ADCY3: variants seen among roughly 807,000 people sequenced by gnomAD.
The protein encoded by ADCY3 is adenylate cyclase type 3.
A neutral mutation model predicts 119.4 loss-of-function variants in ADCY3; 70 were observed. That is an observed-to-expected ratio of 0.59 (90% CI 0.48 to 0.72). ADCY3 has a LOEUF of 0.72. Ranked by LOEUF, ADCY3 falls within the 30% of genes least tolerant of loss-of-function variation. The pLI is 0.00. For synonymous variants in ADCY3, 672 were observed against 621.4 expected (o/e 1.08, Z -1.21); for missense variants, 1,238 against 1,541.6 (o/e 0.80, Z 3.30).
At chr2:24,820,937 A>G in intron 20 of ADCY3, 89 bp from the exon 21 acceptor site, 2 of 1,537,736 alleles carry the variant, frequency 1.3e-6, no homozygotes, top group Non-Finnish European at 1.8e-6. Context: ...CCTGTACCAC[A>G]AAGCTCCTAA....
chr2:24,900,191 A>G (rs1278855733), intron 2 of ADCY3, among the ~76,000 whole-genome samples: 1 of 147,578 alleles, frequency 6.8e-6, no homozygotes, highest in African/African-American at 2.5e-5. Context: ...ACTCACTGCA[A>G]CCTCCGCCTC....
intron 3 of ADCY3, among the ~76,000 whole-genome samples, chr2:24,846,165 C>G (rs1188030423): frequency 6.6e-6 from 1 of 152,226 alleles, no homozygotes; most frequent in Non-Finnish European, 1.5e-5. Flanking sequence ...CACAGAGTCC[C>G]TACTGGGCCA....
Position 24,840,049 on chromosome 2 carries a change from AAAG to A in ADCY3, c.1197-21_1197-19del, listed in dbSNP as rs570525725. The stretch of plus-strand genomic sequence containing the variant: ...GCACATACCTGCCAGGTACACACAG[AAAG>A]GAGGGTCAGGGTGTGGCCTTCACGA... On this transcript the variant is annotated intron_variant, in intron 6 of 21. Transcript: ENST00000679454. 625 of 1,598,012 alleles carry A rather than the reference AAAG, an allele frequency of 3.9e-4. 1 individual carries two copies. The African/African-American group carries it at 7.6e-3, about 19-fold the overall frequency.
chr2:24,891,144 C>T (rs986750697), intron 2 of ADCY3, among the ~76,000 whole-genome samples: 6 of 152,322 alleles, frequency 3.9e-5, no homozygotes, highest in Middle Eastern at 3.4e-3. Flanking sequence ...GCTGGGATTA[C>T]AGGCATGAGC....
chr2:24,836,171 G>A (rs1670307945), intron 9 of ADCY3, among the ~76,000 whole-genome samples: 1 of 152,158 alleles, frequency 6.6e-6, no homozygotes, highest in African/African-American at 2.4e-5. Flanking sequence ...TGTCCTCCTT[G>A]CTAGTGAGTG....
At chr2:24,915,390 A>C (rs897413618) in intron 2 of ADCY3, among the ~76,000 whole-genome samples, 6 of 152,144 alleles carry the variant, frequency 3.9e-5, no homozygotes, top group African/African-American at 1.4e-4. Flanking sequence ...CCTGTCCTCC[A>C]GCCCTTGCCC....
At chr2:24,886,626 G>A (rs538513281) in intron 2 of ADCY3, among the ~76,000 whole-genome samples, 17 of 152,308 alleles carry the variant, frequency 1.1e-4, no homozygotes, top group African/African-American at 2.9e-4. Flanking sequence ...GAAGACCCCC[G>A]CCCCGAGATG....
Position 24,898,692 on chromosome 2 carries a change from G to A in ADCY3, c.675+19621C>T, listed in dbSNP as rs1248930179. On this transcript the variant is annotated intron_variant, in intron 2 of 21. Coordinates refer to ENST00000679454, the MANE Select transcript of ADCY3 (RefSeq NM_004036.5). The surrounding 1 kb of genome is among the most constrained non-coding windows in gnomAD (Gnocchi z 4.3). ...CAGAAGCCACAGGTCCCAGGAAACC[G>A]CACAGCTCCCGGCTCCAGGTCTCTG... 6.6e-6 allele frequency among the ~76,000 whole-genome samples: 1 copy of A among 152,264 alleles called. No individual in the cohort carries two copies. Among genetic ancestry groups the A allele is most frequent in the Non-Finnish European group, 1.5e-5 (1 of 68,006 alleles).
At chr2:24,835,628 T>TG (rs1670199452) in intron 9 of ADCY3, among the ~76,000 whole-genome samples, 1 of 152,124 alleles carries the variant, frequency 6.6e-6, no homozygotes, top group South Asian at 2.1e-4. Context: ...ACAGTGCATC[T>TG]GGGAGCCACA....
At position 24,834,978 on chromosome 2, in the gene ADCY3, G is replaced by C. The variant is rs769783536; in HGVS notation, c.1663-42C>G. The C allele has an allele frequency of 4.1e-5, 65 of 1,595,712 alleles. No individual in the cohort carries two copies. The highest frequency in any genetic ancestry group is 1.7e-4 in the Middle Eastern group (1 of 5,972). On this transcript the variant is annotated intron_variant, in intron 9 of 21. Transcript: ENST00000679454. This position sits in a 1 kb window ranked among gnomAD's most constrained non-coding sequence, Gnocchi z 4.2. ...CAGCGTGAGTGGGGCAGATGGGACA[G>C]AGTGGTGGGGAAGAGCTGGGAAAGA...
chr2:24,882,936 G>A lies in ADCY3; in HGVS notation c.676-10217C>T, dbSNP rs1238479312. 1.3e-5 allele frequency among the ~76,000 whole-genome samples: 2 copies of A among 152,036 alleles called. 1 individual carries two copies. The highest frequency in any genetic ancestry group is 4.1e-4 in the South Asian group (2 of 4,824). On this transcript the variant is annotated intron_variant, in intron 2 of 21. Coordinates refer to ENST00000679454, the MANE Select transcript of ADCY3 (RefSeq NM_004036.5). The stretch of plus-strand genomic sequence containing the variant: ...GCTGGGTATATGGTGGCACATGCCT[G>A]TAGTCCCAAGTTATTTGGGAGGCTG...
rs560615854 is a variant in ADCY3 at position 24,842,397 on chromosome 2, G to A, written c.826-13C>T. ...GCATGAGGTTCTCCTGTGAGGGGCA[G>A]GAGAGGGTCAGAGGCAAAGGTAGGC... is the stretch of plus-strand genomic sequence containing the variant. On this transcript the variant is annotated splice_polypyrimidine_tract_variant and intron_variant, in intron 3 of 21. Transcript: ENST00000679454. The surrounding 1 kb of genome is among the most constrained non-coding windows in gnomAD (Gnocchi z 4.9). The A allele has an allele frequency of 1.2e-6, 2 of 1,614,096 alleles. No individual in the cohort carries two copies. The highest frequency in any genetic ancestry group is 4.5e-5 in the East Asian group (2 of 44,870).
At position 24,918,705 on chromosome 2, in the gene ADCY3, T is replaced by G; in HGVS notation, c.283A>C (p.Met95Leu). Residue 95 changes from methionine (M) to leucine (L), a missense_variant, in exon 2 of 22, where the codon ATG (methionine) becomes CTG (leucine). Physicochemically the swap from Met to Leu is conservative, Grantham distance 15. Around this residue, in one of 7 missense-constraint regions of ADCY3, gnomAD observed 227 missense variants for 249.3 expected, o/e 0.91. Coordinates refer to ENST00000679454, the MANE Select transcript of ADCY3 (RefSeq NM_004036.5). This position sits in a 1 kb window ranked among gnomAD's most constrained non-coding sequence, Gnocchi z 5.4. Reference protein sequence around the residue: ...AALFDCYVVVMCAVVFSSDKL... With the variant: ...AALFDCYVVVLCAVVFSSDKL... ...TCGCTGGAGAAGACCACAGCACACA[T>G]GACCACCACGTAGCAGTCAAAGAGG... 1 of 1,613,976 alleles carries G rather than the reference T, an allele frequency of 6.2e-7. No individual in the cohort carries two copies. The highest frequency in any genetic ancestry group is 1.1e-5 in the South Asian group (1 of 91,068).
intron 3 of ADCY3, among the ~76,000 whole-genome samples, chr2:24,851,735 G>T (rs953895758): frequency 4.7e-4 from 72 of 152,098 alleles, no homozygotes; most frequent in Non-Finnish European, 5.4e-4. Flanking sequence ...TGCTCTTAAG[G>T]CTTAAAACTT....
intron 11 of ADCY3, among the ~76,000 whole-genome samples, chr2:24,832,625 G>C (rs1669753521): frequency 6.6e-6 from 1 of 152,130 alleles, no homozygotes; most frequent in Admixed American, 6.5e-5. Context: ...ACCCCTCCTT[G>C]AGACACTTTT....
intron 3 of ADCY3, among the ~76,000 whole-genome samples, chr2:24,850,482 C>A (rs941593840): frequency 6.6e-6 from 1 of 152,134 alleles, no homozygotes; most frequent in African/African-American, 2.4e-5. Context: ...AGAGAGGCCA[C>A]CCATAGCAGC....
Position 24,820,792 on chromosome 2 carries a change from C to T in ADCY3, c.3184G>A (p.Asp1062Asn), listed in dbSNP as rs771218760. 5.0e-6 allele frequency: 8 copies of T among 1,614,090 alleles called. No individual in the cohort carries two copies. The highest frequency in any genetic ancestry group is 1.1e-5 in the South Asian group (1 of 91,074). ...GVIGARKPHY[D>N]IWGNTVNVAS... ...ACATTGACTGTATTGCCCCAGATGT[C>T]GTAGTGTGGTTTCCGGGCTCCGATG... Residue 1062 changes from aspartate to asparagine, a missense_variant, in exon 21 of 22, where the codon GAC (aspartate) becomes AAC (asparagine). Around this residue, in one of 7 missense-constraint regions of ADCY3, gnomAD observed 43 missense variants for 77.0 expected, o/e 0.56. Coordinates refer to ENST00000679454, the MANE Select transcript of ADCY3 (RefSeq NM_004036.5).
chr2:24,864,291 AAAAAC>A (rs137934130), intron 3 of ADCY3, among the ~76,000 whole-genome samples: 4,109 of 152,272 alleles, frequency 0.027, 88 homozygotes, highest in African/African-American at 0.056. Flanking sequence ...TCTGTCTCAA[AAAAAC>A]AAAACAAAAC....
intron 6 of ADCY3, chr2:24,840,580 G>A (rs1391085662): frequency 2.1e-6 from 1 of 466,788 alleles, no homozygotes; most frequent in South Asian, 1.6e-5. Flanking sequence ...TAAAGAGCAG[G>A]CAACTTCCTG....
Sources: gnomAD v4.1 joint callset for allele counts (sites outside exome capture counted in the v4.1 genomes callset) on GRCh38, gnomAD v4.1.1 for gene constraint, gnomAD v4.1.1 regional missense constraint, Gnocchi (gnomAD v3.1) non-coding constraint, MANE v1.5 for transcripts, NCBI Gene and HGNC (gene_info 2026-07-23, HGNC 2026-07-21) for gene names.